Variants in ITGA9 observed in about 807,000 individuals in gnomAD.
The protein encoded by ITGA9 is integrin alpha-9.
ITGA9 carries 56 observed loss-of-function variants against 127.8 expected under a neutral mutation model. That is an observed-to-expected ratio of 0.44 (90% CI 0.35 to 0.55). The LOEUF (loss-of-function observed/expected upper bound fraction) is 0.55. ITGA9 is among the 20% of genes least tolerant of loss of function. The pLI, the probability that ITGA9 is intolerant of heterozygous loss-of-function variation, is 0.00. For synonymous variants in ITGA9, 508 were observed against 514.5 expected, an observed-to-expected ratio of 0.99 and a Z score of 0.17; for missense variants, 1,196 against 1,347.1, an observed-to-expected ratio of 0.89 and a Z score of 1.76.
At chr3:37,602,453 C>T (rs142318453) in intron 15 of ITGA9, among the ~76,000 whole-genome samples, 18 of 152,202 alleles carry the variant, frequency 1.2e-4, no homozygotes, top group African/African-American at 3.4e-4. Context: ...AGCTAAAATA[C>T]AGGCAGCAAA....
At chr3:37,458,047 C>T (rs1698279659) in intron 1 of ITGA9, among the ~76,000 whole-genome samples, 1 of 152,222 alleles carries the variant, frequency 6.6e-6, no homozygotes, top group Non-Finnish European at 1.5e-5. Flanking sequence ...CCATGGTGTT[C>T]TCTGAAATTC....
In ITGA9 at chr3:37,732,744, A is replaced by G; in HGVS notation, c.2100A>G (p.Glu700=). The G allele has an allele frequency of 6.2e-7, 1 of 1,611,422 alleles. No homozygotes were observed. Among genetic ancestry groups the G allele is most frequent in the Non-Finnish European group, 8.5e-7 (1 of 1,179,340 alleles). Residue 700 remains glutamate, a synonymous_variant, in exon 19 of 28, where the codon GAA becomes GAG. Coordinates refer to ENST00000264741, the MANE Select transcript of ITGA9 (RefSeq NM_002207.3). The part of the protein sequence containing the change: ...EEMGISCELL[E]SDFLKCSVGF... ...TGGGCATCTCCTGTGAGCTGCTGGA[A>G]TCGGACTTCCTCAAATGCAGCGTGG...
chr3:37,800,609 GA>G (rs1235033678), intron 26 of ITGA9, among the ~76,000 whole-genome samples: 2 of 152,192 alleles, frequency 1.3e-5, no homozygotes, highest in Non-Finnish European at 2.9e-5. Flanking sequence ...ATTTGAACTA[GA>G]TAGAAAATAG....
Position 37,533,234 on chromosome 3 carries a change from ATCCTGTTGGTCTAGT to A in ITGA9, c.1374-77_1374-63del, listed in dbSNP as rs1225585040. ...ATGCTGGGTTGAAGGCCTAGGATTT[ATCCTGTTGGTCTAGT>A]TCTTGTTTGGTTCTGAGAGCTGCTC... is the stretch of plus-strand genomic sequence containing the variant. On this transcript the variant is annotated intron_variant, in intron 13 of 27. Coordinates refer to ENST00000264741, the MANE Select transcript of ITGA9 (RefSeq NM_002207.3). 5 of 1,279,938 alleles carry A rather than the reference ATCCTGTTGGTCTAGT, an allele frequency of 3.9e-6. No individual in the cohort carries two copies. In the Admixed American group the frequency reaches 8.4e-5, roughly 22 times the overall value. The allele number at this position is 1,279,938 out of a possible 1,614,324, so 79.3% of individuals were successfully genotyped here. A position where few individuals can be genotyped will look rare whatever the true frequency, so the allele number is the denominator to read the frequency against.
intron 15 of ITGA9, among the ~76,000 whole-genome samples, chr3:37,573,854 G>A (rs917943680): frequency 2.6e-5 from 4 of 152,138 alleles, no homozygotes; most frequent in East Asian, 3.9e-4. Context: ...AAGGGATGCC[G>A]GGTCATGCAT....
chr3:37,516,168 C>A (rs1444199047), intron 9 of ITGA9, among the ~76,000 whole-genome samples: 1 of 152,188 alleles, frequency 6.6e-6, no homozygotes, highest in Non-Finnish European at 1.5e-5. Context: ...CAGGCCTCCA[C>A]TGGGCATGAT....
At chr3:37,783,626 C>G (rs906865037) in intron 25 of ITGA9, among the ~76,000 whole-genome samples, 2 of 152,124 alleles carry the variant, frequency 1.3e-5, no homozygotes, top group Admixed American at 1.3e-4. Flanking sequence ...CCTTAACCAT[C>G]GTGCCTGGCC....
Position 37,597,598 on chromosome 3 carries a change from A to G in ITGA9, c.1690-31589A>G, listed in dbSNP as rs562992464. On this transcript the variant is annotated intron_variant, in intron 15 of 27. Transcript: ENST00000264741. This position sits in a 1 kb window ranked among gnomAD's most constrained non-coding sequence, Gnocchi z 4.6. ...CCTATGAGGTGCACCTGTCCGTAGTAAGTACTCAGTAAATGACTGGTGAAT... is the reference window on the plus strand; with the variant it reads ...CCTATGAGGTGCACCTGTCCGTAGTGAGTACTCAGTAAATGACTGGTGAAT... Among the ~76,000 whole-genome samples the G allele has an allele frequency of 6.6e-6, 1 of 152,370 alleles. No individual in the cohort carries two copies. The highest frequency in any genetic ancestry group is 1.5e-5 in the Non-Finnish European group (1 of 68,026).
chr3:37,459,065 A>G (rs1211062479), intron 1 of ITGA9, among the ~76,000 whole-genome samples: 1 of 152,204 alleles, frequency 6.6e-6, no homozygotes, highest in Non-Finnish European at 1.5e-5. Flanking sequence ...CTTTGAAACC[A>G]CGGGCTCACT....
At chr3:37,542,674 TG>T in intron 15 of ITGA9, 89 bp downstream of exon 15, 1 of 1,369,846 alleles carries the variant, frequency 7.3e-7, no homozygotes, top group South Asian at 1.2e-5. Flanking sequence ...TTATGTATTA[TG>T]TGTGCTCTTC....
chr3:37,741,948 G>A (rs924632567), intron 21 of ITGA9, 129 bp downstream of exon 21: 4 of 746,750 alleles, frequency 5.4e-6, no homozygotes, highest in Non-Finnish European at 9.6e-6. Context: ...TCCCAGCCTT[G>A]AAAAGCAGGA....
At chr3:37,687,906 G>A (rs1700796618) in intron 18 of ITGA9, among the ~76,000 whole-genome samples, 1 of 152,206 alleles carries the variant, frequency 6.6e-6, no homozygotes. Context: ...AGGAAAGACA[G>A]GAAGGCGTGC....
chr3:37,732,240 G>A (rs959754466), intron 18 of ITGA9, among the ~76,000 whole-genome samples: 2 of 152,042 alleles, frequency 1.3e-5, no homozygotes, highest in African/African-American at 4.8e-5. Context: ...CTTGCTGGTG[G>A]ACAGCCCAGC....
At chr3:37,498,207 G>A (rs1698751916) in intron 5 of ITGA9, among the ~76,000 whole-genome samples, 1 of 152,182 alleles carries the variant, frequency 6.6e-6, no homozygotes, top group African/African-American at 2.4e-5. Context: ...GAGGACGTTT[G>A]GACTTAGGGA....
At chr3:37,525,411 A>C (rs1238833922) in intron 12 of ITGA9, among the ~76,000 whole-genome samples, 1 of 152,198 alleles carries the variant, frequency 6.6e-6, no homozygotes, top group East Asian at 1.9e-4. Flanking sequence ...CTTTTGAAGA[A>C]GGCCCTGGGG....
chr3:37,582,356 G>A (rs1046234957), intron 15 of ITGA9, among the ~76,000 whole-genome samples: 3 of 152,216 alleles, frequency 2.0e-5, no homozygotes, highest in Admixed American at 1.3e-4. Flanking sequence ...TATTTCTCTG[G>A]CCCTGAGGTC....
chr3:37,470,669 C>A (rs1698420886), intron 1 of ITGA9, among the ~76,000 whole-genome samples: 1 of 152,138 alleles, frequency 6.6e-6, no homozygotes, highest in African/African-American at 2.4e-5. Context: ...CGCTGCCTTG[C>A]CTGGCCATTT....
At position 37,732,640 on chromosome 3, in the gene ITGA9, G is replaced by GC. The variant is rs1371096032; in HGVS notation, c.2068-68dup. On this transcript the variant is annotated intron_variant, in intron 18 of 27. Transcript: ENST00000264741. The stretch of plus-strand genomic sequence containing the variant: ...GAGCACTGCTCTGAAGGACTCGATT[G>GC]CCCCGTGGAGCCTGCTCCCACACAC... 4.5e-6 allele frequency: 5 copies of GC among 1,122,128 alleles called. No homozygotes were observed. The African/African-American group carries it at 7.6e-5, about 17-fold the overall frequency. 69.5% of individuals were successfully genotyped at this position (1,122,128 alleles called of 1,614,324 possible).
rs1696923117 is a variant in ITGA9, at chr3:37,777,524, A to G, written c.2667+7A>G. 2 of 1,614,058 alleles carry G rather than the reference A, an allele frequency of 1.2e-6. No homozygotes were observed. The highest frequency in any genetic ancestry group is 1.7e-6 in the Non-Finnish European group (2 of 1,179,976). ...GTCTGGAAGAAAAGTCTTGGTAAGG[A>G]TTTGTTTAGTGGTTGGGGTAACACG... is the stretch of plus-strand genomic sequence containing the variant. On this transcript the variant is annotated splice_region_variant and intron_variant, in intron 24 of 27. Coordinates refer to ENST00000264741, the MANE Select transcript of ITGA9 (RefSeq NM_002207.3).
Sources: allele counts gnomAD v4.1 joint callset (sites outside exome capture counted in the v4.1 genomes callset), GRCh38; gene constraint gnomAD v4.1.1; non-coding constraint Gnocchi (gnomAD v3.1); transcripts MANE v1.5; gene names NCBI Gene and HGNC (gene_info 2026-07-23, HGNC 2026-07-21).